CSTF3: variants seen among roughly 807,000 people sequenced by gnomAD.
The protein encoded by CSTF3 is cleavage stimulation factor subunit 3.
CSTF3 carries 29 observed loss-of-function variants against 105.8 expected under a neutral mutation model. That is an observed-to-expected ratio of 0.27 (90% CI 0.20 to 0.37). The LOEUF (loss-of-function observed/expected upper bound fraction) is 0.37. CSTF3 is among the 10% of genes least tolerant of loss of function. CSTF3 has a pLI of 1.00. For missense variants in CSTF3, 357 were observed against 879.3 expected (o/e 0.41, Z 7.51); for synonymous variants, 252 against 281.9 (o/e 0.89, Z 1.06).
intron 1 of CSTF3, among the ~76,000 whole-genome samples, chr11:33,148,347 T>C (rs1347059133): frequency 6.6e-6 from 1 of 152,172 alleles, no homozygotes; most frequent in Admixed American, 6.5e-5. Context: ...ATGTACATAC[T>C]ATCAATATTT....
At chr11:33,090,800 C>A in intron 16 of CSTF3, 73 bp from the exon 17 acceptor site, 1 of 958,772 alleles carries the variant, frequency 1.0e-6, no homozygotes, top group East Asian at 2.7e-5. Context: ...TACAAAAACG[C>A]CTTAAGCTCT....
At chr11:33,150,235 A>AAAAAG (rs1418113946) in intron 1 of CSTF3, among the ~76,000 whole-genome samples, 2 of 106,540 alleles carry the variant, frequency 1.9e-5, no homozygotes, top group East Asian at 5.4e-4. Flanking sequence ...AAAAAAAAAA[A>AAAAAG]AAAAGAAAAG....
intron 3 of CSTF3, among the ~76,000 whole-genome samples, chr11:33,117,120 T>C (rs1043853929): frequency 5.3e-5 from 8 of 151,974 alleles, no homozygotes; most frequent in Admixed American, 4.6e-4. Context: ...ACTTTTCTTA[T>C]AAATATGTAG....
At chr11:33,122,904 T>TGAA (rs1324799156) in intron 3 of CSTF3, among the ~76,000 whole-genome samples, 1 of 111,074 alleles carries the variant, frequency 9.0e-6, no homozygotes. Flanking sequence ...AACACAGTGA[T>TGAA]ATCCTGTCTC....
intron 10 of CSTF3, among the ~76,000 whole-genome samples, chr11:33,101,939 T>C (rs1051207759): frequency 2.8e-4 from 42 of 152,004 alleles, no homozygotes; most frequent in African/African-American, 9.9e-4. Context: ...AAAATGGAAA[T>C]TTATAGAATT....
At chr11:33,085,408 C>T in intron 20 of CSTF3, 119 bp from the exon 21 acceptor site, 1 of 808,676 alleles carries the variant, frequency 1.2e-6, no homozygotes, top group South Asian at 2.2e-5. Flanking sequence ...GATAGTACTA[C>T]TGATACTAAA....
chr11:33,153,270 T>C (rs531226200), intron 1 of CSTF3, among the ~76,000 whole-genome samples: 13 of 152,264 alleles, frequency 8.5e-5, no homozygotes, highest in African/African-American at 3.1e-4. Context: ...AGTTACGTAG[T>C]TGGAAAAGGG....
At chr11:33,160,926 G>C (rs1255468237) in intron 1 of CSTF3, among the ~76,000 whole-genome samples, 1 of 152,030 alleles carries the variant, frequency 6.6e-6, no homozygotes, top group African/African-American at 2.4e-5. Flanking sequence ...TATTTGGCGG[G>C]GTAAAAGAAA....
chr11:33,108,660 T>C (rs1258567552), intron 3 of CSTF3, among the ~76,000 whole-genome samples: 2 of 152,214 alleles, frequency 1.3e-5, no homozygotes, highest in East Asian at 1.9e-4. Flanking sequence ...GTGAATTTAA[T>C]AAAATTCTGT....
At chr11:33,127,308 G>A (rs1237389240) in intron 3 of CSTF3, among the ~76,000 whole-genome samples, 1 of 152,026 alleles carries the variant, frequency 6.6e-6, no homozygotes, top group Non-Finnish European at 1.5e-5. Context: ...CAAATGTTAG[G>A]CTTTTCACAT....
intron 3 of CSTF3, among the ~76,000 whole-genome samples, chr11:33,114,395 ACT>A (rs1293848758): frequency 3.3e-5 from 5 of 152,164 alleles, no homozygotes. Context: ...GAGAAATAAA[ACT>A]CTATGTCAAC....
intron 10 of CSTF3, among the ~76,000 whole-genome samples, chr11:33,100,426 G>A (rs1324325670): frequency 6.6e-6 from 1 of 151,764 alleles, no homozygotes; most frequent in Non-Finnish European, 1.5e-5. Context: ...TGAACCCCTG[G>A]GCTCAAGCAA....
intron 1 of CSTF3, chr11:33,156,725 G>A (rs1390694084): frequency 2.2e-6 from 1 of 453,902 alleles, no homozygotes; most frequent in Non-Finnish European, 4.4e-6. Context: ...CCAACAGTTT[G>A]GAAGGCTGAG....
intron 14 of CSTF3, 131 bp from the exon 15 acceptor site, chr11:33,096,539 A>T: frequency 1.5e-6 from 1 of 685,728 alleles, no homozygotes; most frequent in South Asian, 1.8e-5. Flanking sequence ...CATGTTAAGT[A>T]AAAATTGCTG....
At chr11:33,119,687 A>G (rs965560170) in intron 3 of CSTF3, among the ~76,000 whole-genome samples, 3 of 151,824 alleles carry the variant, frequency 2.0e-5, no homozygotes, top group Admixed American at 6.6e-5. Flanking sequence ...CTACTCCAAT[A>G]CTTTTAACTT....
chr11:33,135,197 T>C (rs1855640601), intron 3 of CSTF3, among the ~76,000 whole-genome samples: 1 of 152,164 alleles, frequency 6.6e-6, no homozygotes, highest in African/African-American at 2.4e-5. Context: ...AAAAAACGGT[T>C]ACAGTTAAAA....
chr11:33,142,765 G>C lies in CSTF3; in HGVS notation c.28-779C>G, dbSNP rs576510963. The stretch of plus-strand genomic sequence containing the variant: ...TTTATAAAAAATAACTTAAAATTCA[G>C]TAATAAGAATGTCGCTTTTTACGTA... On this transcript the variant is annotated intron_variant, in intron 1 of 20. Transcript: ENST00000323959. Among the ~76,000 whole-genome samples, 72 of 152,206 alleles carry C rather than the reference G, an allele frequency of 4.7e-4. No homozygotes were observed. In the South Asian group the frequency reaches 6.6e-3, roughly 14 times the overall value.
intron 10 of CSTF3, among the ~76,000 whole-genome samples, chr11:33,101,066 G>A (rs1296108238): frequency 1.3e-5 from 2 of 152,130 alleles, no homozygotes; most frequent in East Asian, 3.9e-4. Context: ...TAAAAAGACA[G>A]AACAACACTA....
Position 33,113,774 on chromosome 11 carries a change from G to A in CSTF3, c.226-5356C>T, listed in dbSNP as rs182773491. On this transcript the variant is annotated intron_variant, in intron 3 of 20. Coordinates refer to ENST00000323959, the MANE Select transcript of CSTF3 (RefSeq NM_001326.3). ...AATTACATTCAAATCAGTGGTTAACGGCCAGGTGCAGTGGCTCATGCCTAT... is the reference window on the plus strand; with the variant it reads ...AATTACATTCAAATCAGTGGTTAACAGCCAGGTGCAGTGGCTCATGCCTAT... Among the ~76,000 whole-genome samples the A allele has an allele frequency of 3.3e-5, 5 of 151,324 alleles. No homozygotes were observed. In the East Asian group the frequency reaches 5.9e-4, roughly 18 times the overall value.
Sources: gnomAD v4.1 joint callset for allele counts (sites outside exome capture counted in the v4.1 genomes callset) on GRCh38, gnomAD v4.1.1 for gene constraint, MANE v1.5 for transcripts, NCBI Gene and HGNC (gene_info 2026-07-23, HGNC 2026-07-21) for gene names.